INSRR: variants seen among roughly 807,000 people sequenced by gnomAD.
INSRR encodes insulin receptor-related protein.
INSRR carries 114 observed loss-of-function variants against 130.0 expected under a neutral mutation model. That is an observed-to-expected ratio of 0.88 (90% CI 0.75 to 1.02). The LOEUF is 1.02. INSRR is among the 50% of genes least tolerant of loss of function. INSRR has a pLI of 0.00. For synonymous variants in INSRR, 674 were observed against 705.2 expected (o/e 0.96, Z 0.70); for missense variants, 1,657 against 1,735.2 (o/e 0.95, Z 0.80).
chr1:156,846,024 TG>T lies in INSRR; in HGVS notation c.1905del (p.Thr636ProfsTer95). On this transcript the variant is annotated frameshift_variant, in exon 9 of 22. Coordinates refer to ENST00000368195, the MANE Select transcript of INSRR (RefSeq NM_014215.3). LOFTEE classifies it high-confidence loss of function. ...WKPPTQRNGN[L>X]TYYLVLWQRL... ...CGCTGCCACAGCACCAGGTAGTAGG[TG>T]AGGTTCCCATTGCGCTGGGTCGGTG... 1 of 1,613,672 alleles carries T rather than the reference TG, an allele frequency of 6.2e-7. No individual in the cohort carries two copies. The highest frequency in any genetic ancestry group is 8.5e-7 in the Non-Finnish European group (1 of 1,179,862).
At chr1:156,848,299 A>G (rs1467921925) in intron 7 of INSRR, among the ~76,000 whole-genome samples, 1 of 152,144 alleles carries the variant, frequency 6.6e-6, no homozygotes, top group Non-Finnish European at 1.5e-5. Context: ...CTTCTATAAT[A>G]TCTACCAGAG....
chr1:156,854,911 G>A lies in INSRR; in HGVS notation c.86-608C>T, dbSNP rs1655354606. 6.6e-6 allele frequency among the ~76,000 whole-genome samples: 1 copy of A among 152,022 alleles called. No individual in the cohort carries two copies. The highest frequency in any genetic ancestry group is 1.5e-5 in the Non-Finnish European group (1 of 68,006). On this transcript the variant is annotated intron_variant, in intron 1 of 21. Coordinates refer to ENST00000368195, the MANE Select transcript of INSRR (RefSeq NM_014215.3). The surrounding 1 kb of genome is among the most constrained non-coding windows in gnomAD (Gnocchi z 4.2). The stretch of plus-strand genomic sequence containing the variant: ...TTCCATCTCTCTTGATCTTACTACA[G>A]CCTACAGGGCCCTGCACAGTTTGAG...
In INSRR at chr1:156,845,707, C is replaced by T. The variant is rs138128025; in HGVS notation, c.2086G>A (p.Gly696Ser). 380 of 1,613,482 alleles carry T rather than the reference C, an allele frequency of 2.4e-4. No homozygotes were observed. Among genetic ancestry groups the T allele is most frequent in the Non-Finnish European group, 3.1e-4 (369 of 1,179,854 alleles). Residue 696 changes from glycine (G) to serine (S), a missense_variant, in exon 10 of 22, where the codon GGT (glycine) becomes AGT (serine). Gly to Ser is a moderately conservative substitution (Grantham distance 56). Transcript: ENST00000368195. ...GCCTCCAGCGGGGGCAGAACCTGAC[C>T]AGGAGGTGGGTGCTGGCAAGGGCAG... Reference protein sequence around the residue: ...DCCPCQHPPPGQVLPPLEAQE... With the variant: ...DCCPCQHPPPSQVLPPLEAQE...
intron 15 of INSRR, 22 bp downstream of exon 15, chr1:156,844,153 G>A (rs374247650): frequency 6.4e-7 from 1 of 1,559,254 alleles, no homozygotes; most frequent in African/African-American, 1.4e-5. Flanking sequence ...AGGGGGTGGG[G>A]ACCGGTGGGA....
chr1:156,856,092 A>G (rs1349753828), intron 1 of INSRR, among the ~76,000 whole-genome samples: 4 of 152,262 alleles, frequency 2.6e-5, no homozygotes, highest in African/African-American at 9.6e-5. Flanking sequence ...TACAGGTATC[A>G]GCTATCATGC....
chr1:156,843,341 C>T, intron 16 of INSRR, 86 bp downstream of exon 16: 1 of 1,574,196 alleles, frequency 6.4e-7, no homozygotes, highest in South Asian at 1.1e-5. Flanking sequence ...AGGCTATCTT[C>T]TGCAAGAAGG....
chr1:156,848,465 C>G (rs1381975467), intron 7 of INSRR, among the ~76,000 whole-genome samples: 1 of 152,180 alleles, frequency 6.6e-6, no homozygotes, highest in Non-Finnish European at 1.5e-5. Context: ...TCAGTTGACT[C>G]TCTCCAAAGA....
rs557230847 is a variant in INSRR, at chr1:156,858,961, G to C, written c.-340C>G. The C allele has an allele frequency of 7.0e-6, 2 of 287,740 alleles. No homozygotes were observed. Among genetic ancestry groups the C allele is most frequent in the East Asian group, 1.4e-4 (2 of 14,106 alleles). The allele number at this position is 287,740 out of a possible 1,614,324, so 17.8% of individuals were successfully genotyped here. A position where few individuals can be genotyped will look rare whatever the true frequency, so the allele number is the denominator to read the frequency against. On this transcript the variant is annotated 5_prime_UTR_variant, in exon 1 of 22. Coordinates refer to ENST00000368195, the MANE Select transcript of INSRR (RefSeq NM_014215.3). Reference sequence around the variant, plus strand: ...GAGCAAAAGGCAGGCCGAGAGGCCAGCCAACCCTGAGGGCGGAGCAGCAGG... The same window carrying C: ...GAGCAAAAGGCAGGCCGAGAGGCCACCCAACCCTGAGGGCGGAGCAGCAGG...
chr1:156,848,776 G>A, intron 7 of INSRR, 145 bp downstream of exon 7: 1 of 914,970 alleles, frequency 1.1e-6, no homozygotes, highest in Non-Finnish European at 1.6e-6. Context: ...GCCAGACCTG[G>A]GCCCTACCAC....
At position 156,842,110 on chromosome 1, in the gene INSRR, A is replaced by G. The variant is rs1038903772; in HGVS notation, c.3397+2T>C. Reference sequence around the variant, plus strand: ...CCCTCATCTGCCTGGCACCCTCTGTACCCCCGATCTTGACGGTGAAGTCCT... The same window carrying G: ...CCCTCATCTGCCTGGCACCCTCTGTGCCCCCGATCTTGACGGTGAAGTCCT... On this transcript the variant is annotated splice_donor_variant, in intron 19 of 21. Transcript: ENST00000368195. LOFTEE classifies it high-confidence loss of function. 6.2e-7 allele frequency: 1 copy of G among 1,612,716 alleles called. No homozygotes were observed. Among genetic ancestry groups the G allele is most frequent in the Non-Finnish European group, 8.5e-7 (1 of 1,179,764 alleles).
chr1:156,844,904 C>T lies in INSRR; in HGVS notation c.2438-61G>A. 2.5e-6 allele frequency: 4 copies of T among 1,603,314 alleles called. No individual in the cohort carries two copies. The South Asian group carries it at 4.5e-5, about 18-fold the overall frequency. ...TGGTTCATCTCACCTTATGTTCAAACCCAAGCTAAACTGGGCTGAGCTGGG... is the reference window on the plus strand; with the variant it reads ...TGGTTCATCTCACCTTATGTTCAAATCCAAGCTAAACTGGGCTGAGCTGGG... On this transcript the variant is annotated intron_variant, in intron 12 of 21. Coordinates refer to ENST00000368195, the MANE Select transcript of INSRR (RefSeq NM_014215.3).
chr1:156,852,170 A>G lies in INSRR; in HGVS notation c.659T>C (p.Met220Thr), dbSNP rs1016980296. The change falls in exon 3 of 22, where the codon ATG becomes ACG. Residue 220 changes from methionine (M) to threonine (T), a missense_variant. Coordinates refer to ENST00000368195, the MANE Select transcript of INSRR (RefSeq NM_014215.3). ...GCACTCGCCCCTCGCTGTGCAAGCC[A>G]TCCCATGGGGGCAGGGGCACACTGT... is the stretch of plus-strand genomic sequence containing the variant. ...CQRVCPCPHGMACTARGECCH... is the reference protein window; with the variant it reads ...CQRVCPCPHGTACTARGECCH... The G allele has an allele frequency of 1.2e-6, 2 of 1,603,934 alleles. No individual in the cohort carries two copies. The highest frequency in any genetic ancestry group is 1.7e-6 in the Non-Finnish European group (2 of 1,173,832).
rs1448896359 is a variant in INSRR at position 156,854,078 on chromosome 1, A to G, written c.311T>C (p.Ile104Thr). ...LRDLFPNLAV[I>T]RGTRLFLGYA... Reference sequence around the variant, plus strand: ...GCCCAGGAAGAGGCGCGTCCCGCGGATGACTGCTAGGTTGGGGAAGAGGTC... The same window carrying G: ...GCCCAGGAAGAGGCGCGTCCCGCGGGTGACTGCTAGGTTGGGGAAGAGGTC... The change falls in exon 2 of 22, where the codon ATC (isoleucine) becomes ACC (threonine). Residue 104 changes from isoleucine to threonine, a missense_variant. By Grantham distance (89) the Ile-to-Thr change is moderately conservative (BLOSUM62 -1). Coordinates refer to ENST00000368195, the MANE Select transcript of INSRR (RefSeq NM_014215.3). This position sits in a 1 kb window ranked among gnomAD's most constrained non-coding sequence, Gnocchi z 4.2. 1 of 1,614,096 alleles carries G rather than the reference A, an allele frequency of 6.2e-7. No homozygotes were observed. Among genetic ancestry groups the G allele is most frequent in the Non-Finnish European group, 8.5e-7 (1 of 1,180,050 alleles).
chr1:156,857,383 G>A (rs909505904), intron 1 of INSRR, among the ~76,000 whole-genome samples: 11 of 152,218 alleles, frequency 7.2e-5, no homozygotes, highest in African/African-American at 2.7e-4. Context: ...CCTGATGGGA[G>A]TCATTTGGAA....
intron 1 of INSRR, among the ~76,000 whole-genome samples, chr1:156,856,877 G>T (rs1655422926): frequency 6.6e-6 from 1 of 152,078 alleles, no homozygotes; most frequent in South Asian, 2.1e-4. Flanking sequence ...GGACTCTCTT[G>T]CTCCCAAGAG....
In INSRR at chr1:156,844,198, A is replaced by G; in HGVS notation, c.2820T>C (p.Leu940=). ...GLTLLIVLAA[L]GFFYGKKRNR... ...ACCTCTTCTTGCCGTAGAAGAAACC[A>G]AGGGCAGCAAGAACGATGAGCAGCG... The change falls in exon 15 of 22, where the codon CTT becomes CTC. Residue 940 remains leucine, a synonymous_variant. Transcript: ENST00000368195. 6.2e-7 allele frequency: 1 copy of G among 1,613,832 alleles called. No homozygotes were observed. Among genetic ancestry groups the G allele is most frequent in the Non-Finnish European group, 8.5e-7 (1 of 1,179,868 alleles).
chr1:156,844,117 C>A, intron 15 of INSRR, 58 bp downstream of exon 15: 1 of 1,297,544 alleles, frequency 7.7e-7, no homozygotes, highest in Non-Finnish European at 1.1e-6. Context: ...CTTTGACAGA[C>A]TTTATGATGA....
At position 156,851,681 on chromosome 1, in the gene INSRR, A is replaced by G. The variant is rs760630264; in HGVS notation, c.1049T>C (p.Val350Ala). ...AAQDLVGCTH[V>A]EGSLILNLRQ... ...AAGGTTGAGGATGAGGCTTCCCTCCACATGCGTGCAGCCCACAAGATCCTG... is the reference window on the plus strand; with the variant it reads ...AAGGTTGAGGATGAGGCTTCCCTCCGCATGCGTGCAGCCCACAAGATCCTG... The change falls in exon 4 of 22, where the codon GTG becomes GCG. Residue 350 changes from valine to alanine, a missense_variant. Transcript: ENST00000368195. The G allele has an allele frequency of 1.9e-6, 3 of 1,614,190 alleles. No homozygotes were observed. The South Asian group carries it at 3.3e-5, about 18-fold the overall frequency.
rs1356351095 is a variant in INSRR, at chr1:156,846,760, G to C, written c.1572-3C>G. 8.1e-6 allele frequency: 13 copies of C among 1,611,294 alleles called. No individual in the cohort carries two copies. The highest frequency in any genetic ancestry group is 1.1e-5 in the Non-Finnish European group (13 of 1,177,702). On this transcript the variant is annotated splice_region_variant and splice_polypyrimidine_tract_variant and intron_variant, in intron 7 of 21. Coordinates refer to ENST00000368195, the MANE Select transcript of INSRR (RefSeq NM_014215.3). The stretch of plus-strand genomic sequence containing the variant: ...GCTCTGTGGCGTTCTGGAATGGGCT[G>C]AACACCCATCCCCAGAGCTGAGGGG...
Sources: allele counts gnomAD v4.1 joint callset (sites outside exome capture counted in the v4.1 genomes callset), GRCh38; gene constraint gnomAD v4.1.1; non-coding constraint Gnocchi (gnomAD v3.1); transcripts MANE v1.5; gene names NCBI Gene and HGNC (gene_info 2026-07-23, HGNC 2026-07-21).